SNX11: variants seen among roughly 807,000 people sequenced by gnomAD.
SNX11 encodes sorting nexin-11.
In SNX11, 19 loss-of-function variants were observed where a neutral mutation model predicts 30.7. The observed-to-expected ratio is 0.62, with a 90% CI of 0.43 to 0.91. SNX11 has a LOEUF of 0.91. Among genes scored for constraint, SNX11 ranks in the 40% least tolerant of loss-of-function variants. The pLI is 0.00. For missense variants in SNX11, 302 were observed against 326.7 expected (o/e 0.92, Z 0.58); for synonymous variants, 112 against 119.0 (o/e 0.94, Z 0.38).
intron 4 of SNX11, 90 bp from the exon 5 acceptor site, chr17:48,118,614 C>T: frequency 3.4e-6 from 3 of 883,600 alleles, no homozygotes; most frequent in Non-Finnish European, 5.4e-6. Context: ...TTGATTAGAC[C>T]TCTTTTTAAG....
In SNX11 at chr17:48,117,383, T is replaced by C. The variant is rs368549555; in HGVS notation, c.231-1321T>C. ...CATTCTCCTGCCTCAGCCTCCCGAG[T>C]AGTTGGGACTACAGGCGCCCGCCAC... On this transcript the variant is annotated intron_variant, in intron 4 of 6. Transcript: ENST00000359238. Among the ~76,000 whole-genome samples, 207 of 151,594 alleles carry C rather than the reference T, an allele frequency of 1.4e-3. 1 individual carries two copies. Among genetic ancestry groups the C allele is most frequent in the Non-Finnish European group, 1.9e-3 (127 of 67,874 alleles).
At chr17:48,118,836 G>A in intron 5 of SNX11, 37 bp downstream of exon 5, 1 of 1,586,180 alleles carries the variant, frequency 6.3e-7, no homozygotes, top group Non-Finnish European at 8.7e-7. Flanking sequence ...GCCACCAAGG[G>A]TGGAGGCAGG....
At chr17:48,116,511 G>T (rs891355778) in intron 4 of SNX11, among the ~76,000 whole-genome samples, 21 of 151,766 alleles carry the variant, frequency 1.4e-4, no homozygotes, top group Non-Finnish European at 2.9e-5. Flanking sequence ...GAGCCACTGC[G>T]TCCCACTCCA....
In SNX11 at chr17:48,112,071, A is replaced by C. The variant is rs183247852; in HGVS notation, c.28A>C (p.Asn10His). ...GGGCTTTTGGTGTAGGATGTCGGAGAACCAAGAACAGGAGGTAAGAGTATG... is the reference window on the plus strand; with the variant it reads ...GGGCTTTTGGTGTAGGATGTCGGAGCACCAAGAACAGGAGGTAAGAGTATG... MGFWCRMSENQEQEEVITVR... is the reference protein window; with the variant it reads MGFWCRMSEHQEQEEVITVR... Residue 10 changes from asparagine to histidine, a missense_variant, in exon 2 of 7, where the codon AAC becomes CAC. Physicochemically the swap from Asn to His is moderately conservative, Grantham distance 68. Transcript: ENST00000359238. The C allele has an allele frequency of 2.9e-5, 47 of 1,613,784 alleles. No individual in the cohort carries two copies. In the East Asian group the frequency reaches 9.6e-4, roughly 33 times the overall value.
intron 1 of SNX11, chr17:48,108,091 G>A (rs961718936): frequency 2.6e-5 from 4 of 152,260 alleles, no homozygotes; most frequent in Admixed American, 6.5e-5. Context: ...GAAGGACCAT[G>A]TGGACCTTTC....
At chr17:48,111,477 G>A (rs1041248834) in intron 1 of SNX11, among the ~76,000 whole-genome samples, 6 of 152,004 alleles carry the variant, frequency 3.9e-5, no homozygotes, top group Non-Finnish European at 8.8e-5. Flanking sequence ...GAGAAACCCC[G>A]TCTCTACTAA....
chr17:48,118,986 T>C lies in SNX11; in HGVS notation c.339T>C (p.Ser113=), dbSNP rs761514537. 1.7e-5 allele frequency: 27 copies of C among 1,613,834 alleles called. No homozygotes were observed. The highest frequency in any genetic ancestry group is 2.3e-5 in the Non-Finnish European group (27 of 1,179,958). Reference sequence around the variant, plus strand: ...GTGTTTTTCCCAGGGTCCTGCAGAGTGTGGTTCTCCTGTCAGACAGCCAGT... The same window carrying C: ...GTGTTTTTCCCAGGGTCCTGCAGAGCGTGGTTCTCCTGTCAGACAGCCAGT... ...LQHFLEKVLQ[S]VVLLSDSQLH... is the part of the protein sequence containing the mutation. Residue 113 remains serine, a synonymous_variant, in exon 6 of 7, where the codon AGT becomes AGC. Transcript: ENST00000359238.
chr17:48,116,964 C>G (rs2144522827), intron 4 of SNX11, among the ~76,000 whole-genome samples: 1 of 151,868 alleles, frequency 6.6e-6, no homozygotes, highest in South Asian at 2.1e-4. Flanking sequence ...CTCCACCTCA[C>G]AGGTTCAAGT....
At chr17:48,112,510 G>C in intron 2 of SNX11, 64 bp from the exon 3 acceptor site, 1 of 1,048,378 alleles carries the variant, frequency 9.5e-7, no homozygotes, top group South Asian at 1.3e-5. Flanking sequence ...AAAATCTAGC[G>C]ACCTGTGTTG....
At chr17:48,120,711 C>T (rs929514396) in intron 6 of SNX11, among the ~76,000 whole-genome samples, 5 of 151,256 alleles carry the variant, frequency 3.3e-5, no homozygotes, top group African/African-American at 1.2e-4. Context: ...GGGGTTTCAC[C>T]GTGTTAGCCA....
intron 6 of SNX11, among the ~76,000 whole-genome samples, chr17:48,120,353 C>T (rs910674019): frequency 2.6e-5 from 4 of 151,148 alleles, no homozygotes; most frequent in South Asian, 2.1e-4. Flanking sequence ...ATTACAGGCA[C>T]CTGCCACCAC....
At chr17:48,112,483 A>C in intron 2 of SNX11, 91 bp from the exon 3 acceptor site, 1 of 778,084 alleles carries the variant, frequency 1.3e-6, no homozygotes, top group South Asian at 1.5e-5. Context: ...AGTGAATGAA[A>C]GTTGGTGTTG....
Position 48,122,276 on chromosome 17 carries a change from CT to C in SNX11, c.*772del. 6.5e-6 allele frequency: 1 copy of C among 153,884 alleles called. No individual in the cohort carries two copies. Among genetic ancestry groups the C allele is most frequent in the Non-Finnish European group, 1.5e-5 (1 of 68,064 alleles). The allele number at this position is 153,884 out of a possible 1,614,324, so 9.5% of individuals were successfully genotyped here. On this transcript the variant is annotated 3_prime_UTR_variant, in exon 7 of 7. Coordinates refer to ENST00000359238, the MANE Select transcript of SNX11 (RefSeq NM_013323.3). ...GGTTATAAAGCAGACATGTGGCCAT[CT>C]TTTCCGCAGGGTTAGAGTGGGCTCC...
chr17:48,118,772 G>T lies in SNX11; in HGVS notation c.299G>T (p.Arg100Leu). The change falls in exon 5 of 7, where the codon CGA (arginine) becomes CTA (leucine). Residue 100 changes from arginine (R) to leucine (L), a missense_variant. Arg to Leu is a moderately radical substitution (Grantham distance 102). Transcript: ENST00000359238. ...TCAGATGAGTTCATTGAGAAGCGAC[G>T]ACAAGGTCTGCAGCACTTCCTTGAA... ...GTSDEFIEKR[R>L]QGLQHFLEKV... is the part of the protein sequence containing the mutation. The T allele has an allele frequency of 6.2e-7, 1 of 1,614,036 alleles. No homozygotes were observed. Among genetic ancestry groups the T allele is most frequent in the South Asian group, 1.1e-5 (1 of 91,074 alleles).
intron 1 of SNX11, chr17:48,108,106 C>T (rs2063455348): frequency 6.6e-6 from 1 of 152,182 alleles, no homozygotes; most frequent in Admixed American, 6.5e-5. Flanking sequence ...CCTTTCGGTC[C>T]TAGTTTGTTG....
chr17:48,111,364 C>T (rs2063490490), intron 1 of SNX11, among the ~76,000 whole-genome samples: 1 of 152,092 alleles, frequency 6.6e-6, no homozygotes, highest in South Asian at 2.1e-4. Flanking sequence ...AAGCTGTGAT[C>T]TGGCAGGGCG....
intron 1 of SNX11, 172 bp from the exon 2 acceptor site, chr17:48,111,859 T>C (rs1333530635): frequency 5.1e-6 from 3 of 589,974 alleles, no homozygotes; most frequent in Middle Eastern, 4.5e-4. Context: ...TAGCTTGGCA[T>C]TGAGCTAATG....
rs539872622 is a variant in SNX11, at chr17:48,115,874, G to A, written c.230+2473G>A. Among the ~76,000 whole-genome samples, 14 of 151,846 alleles carry A rather than the reference G, an allele frequency of 9.2e-5. No individual in the cohort carries two copies. In the East Asian group the frequency reaches 1.2e-3, roughly 13 times the overall value. On this transcript the variant is annotated intron_variant, in intron 4 of 6. Transcript: ENST00000359238. ...GCCCTAATAAACCAGGTGAAACTCCGTTCCCCTGACAAATCCTATATCCTC... is the reference window on the plus strand; with the variant it reads ...GCCCTAATAAACCAGGTGAAACTCCATTCCCCTGACAAATCCTATATCCTC...
At position 48,118,772 on chromosome 17, in the gene SNX11, G is replaced by A. The variant is rs376480018; in HGVS notation, c.299G>A (p.Arg100Gln). ...TCAGATGAGTTCATTGAGAAGCGAC[G>A]ACAAGGTCTGCAGCACTTCCTTGAA... ...GTSDEFIEKR[R>Q]QGLQHFLEKV... Residue 100 changes from arginine to glutamine, a missense_variant, in exon 5 of 7, where the codon CGA becomes CAA. Arg to Gln is a conservative substitution (Grantham distance 43, BLOSUM62 1). Transcript: ENST00000359238. 7 of 1,613,918 alleles carry A rather than the reference G, an allele frequency of 4.3e-6. No individual in the cohort carries two copies. The African/African-American group carries it at 8.0e-5, about 18-fold the overall frequency.
Sources: allele counts gnomAD v4.1 joint callset (sites outside exome capture counted in the v4.1 genomes callset), GRCh38; gene constraint gnomAD v4.1.1; transcripts MANE v1.5; gene names NCBI Gene and HGNC (gene_info 2026-07-23, HGNC 2026-07-21).